The following LRCH1 variants were observed in gnomAD, a reference collection of about 807,000 sequenced individuals.
LRCH1 encodes leucine rich repeats and calponin homology domain containing 1, also known as leucine-rich repeat and calponin homology domain-containing protein 1.
A neutral mutation model predicts 94.9 loss-of-function variants in LRCH1; 23 were observed. That is an observed-to-expected ratio of 0.24 (90% CI 0.17 to 0.34). LRCH1 has a LOEUF of 0.34. Among genes scored for constraint, LRCH1 ranks in the 10% least tolerant of loss-of-function variants. The pLI, the probability that LRCH1 is intolerant of heterozygous loss-of-function variation, is 1.00. For synonymous variants in LRCH1, 364 were observed against 354.9 expected (o/e 1.03, Z -0.29); for missense variants, 790 against 945.9 (o/e 0.84, Z 2.16).
At chr13:46,575,598 T>G (rs1254919119) in intron 1 of LRCH1, among the ~76,000 whole-genome samples, 1 of 151,474 alleles carries the variant, frequency 6.6e-6, no homozygotes, top group Non-Finnish European at 1.5e-5. Context: ...CAGAAGGGGT[T>G]TTCAAAGCAT....
chr13:46,676,375 T>C (rs2051673668), intron 3 of LRCH1, among the ~76,000 whole-genome samples: 1 of 152,182 alleles, frequency 6.6e-6, no homozygotes, highest in African/African-American at 2.4e-5. Context: ...ACCAAAATCA[T>C]TTCATTATCT....
chr13:46,677,255 C>CAAAAA (rs67827727), intron 3 of LRCH1, among the ~76,000 whole-genome samples: 13 of 98,072 alleles, frequency 1.3e-4, no homozygotes, highest in African/African-American at 1.8e-4. Flanking sequence ...ACTAAAAATA[C>CAAAAA]AAAAAAAAAA....
intron 1 of LRCH1, among the ~76,000 whole-genome samples, chr13:46,574,734 G>T (rs909927706): frequency 2.7e-5 from 4 of 150,728 alleles, no homozygotes; most frequent in Non-Finnish European, 4.4e-5. Context: ...CATTTAAAAG[G>T]TTTTTTAAAA....
Position 46,553,448 on chromosome 13 carries a change from G to A in LRCH1, c.52G>A (p.Ala18Thr), listed in dbSNP as rs1647185769. The A allele has an allele frequency of 3.9e-6, 6 of 1,549,154 alleles. No homozygotes were observed. Among genetic ancestry groups the A allele is most frequent in the African/African-American group, 1.4e-5 (1 of 72,852 alleles). The change falls in exon 1 of 20, where the codon GCT becomes ACT. Residue 18 changes from alanine (A) to threonine (T), a missense_variant. Physicochemically the swap from Ala to Thr is moderately conservative, Grantham distance 58 (BLOSUM62 0). Coordinates refer to ENST00000389797, the MANE Select transcript of LRCH1 (RefSeq NM_001164211.2). The part of the protein sequence containing the change: ...PQPFVPALSV[A>T]TLHPLHHPHH... The stretch of plus-strand genomic sequence containing the variant: ...ACCTTTCGTCCCGGCCCTTTCGGTA[G>A]CTACTCTGCACCCACTTCATCATCC...
intron 19 of LRCH1, among the ~76,000 whole-genome samples, chr13:46,739,603 T>C (rs1255821125): frequency 6.6e-6 from 1 of 152,142 alleles, no homozygotes; most frequent in African/African-American, 2.4e-5. Context: ...AGGGCTGAAA[T>C]GACTGTTGGC....
chr13:46,704,312 A>AT (rs893626404), intron 11 of LRCH1, among the ~76,000 whole-genome samples: 2 of 151,890 alleles, frequency 1.3e-5, no homozygotes, highest in African/African-American at 4.8e-5. Flanking sequence ...AGATCCAGGA[A>AT]TTTTTTTCTT....
chr13:46,640,597 C>T (rs1356790261), intron 1 of LRCH1, among the ~76,000 whole-genome samples: 2 of 152,154 alleles, frequency 1.3e-5, no homozygotes. Context: ...AGCTCACTTA[C>T]TTTTAGTAAT....
intron 2 of LRCH1, 89 bp from the exon 3 acceptor site, chr13:46,668,941 C>T: frequency 7.2e-7 from 1 of 1,395,852 alleles, no homozygotes; most frequent in Non-Finnish European, 9.8e-7. Context: ...TCAGATCACT[C>T]CTTTTTCCTT....
At chr13:46,703,910 TTAAAATGGAAGGAAATATA>T (rs1332591888) in intron 11 of LRCH1, among the ~76,000 whole-genome samples, 2 of 152,056 alleles carry the variant, frequency 1.3e-5, no homozygotes, top group East Asian at 3.8e-4. Context: ...AGGAAATATA[TTAAAATGGAAGGAAATATA>T]TTAAGATAGT....
chr13:46,669,889 A>G (rs1356381807), intron 3 of LRCH1, among the ~76,000 whole-genome samples: 1 of 152,234 alleles, frequency 6.6e-6, no homozygotes, highest in African/African-American at 2.4e-5. Flanking sequence ...TTCCATCCTG[A>G]TCTTGTGTCA....
chr13:46,734,627 G>A (rs1050519654), intron 19 of LRCH1, among the ~76,000 whole-genome samples: 6 of 152,008 alleles, frequency 3.9e-5, no homozygotes, highest in African/African-American at 7.3e-5. Context: ...CTCCAACCTC[G>A]GACCCAGCCT....
intron 1 of LRCH1, among the ~76,000 whole-genome samples, chr13:46,642,791 G>C (rs1390314660): frequency 6.6e-6 from 1 of 152,200 alleles, no homozygotes; most frequent in Non-Finnish European, 1.5e-5. Flanking sequence ...AGCAGAAATA[G>C]GTTGTGTCGT....
chr13:46,743,061 G>C lies in LRCH1; in HGVS notation c.*1213G>C. ...AGGGGTGTCTTTGTATAATATGAGAGGGCCTTGTTCCAAGGTCAAGGCAGC... is the reference window on the plus strand; with the variant it reads ...AGGGGTGTCTTTGTATAATATGAGACGGCCTTGTTCCAAGGTCAAGGCAGC... On this transcript the variant is annotated 3_prime_UTR_variant, in exon 20 of 20. Transcript: ENST00000389797. 1 of 985,348 alleles carries C rather than the reference G, an allele frequency of 1.0e-6. No homozygotes were observed. The highest frequency in any genetic ancestry group is 1.2e-6 in the Non-Finnish European group (1 of 829,898). 61.0% of individuals were successfully genotyped at this position (985,348 alleles called of 1,614,324 possible). A position where few individuals can be genotyped will look rare whatever the true frequency, so the allele number is the denominator to read the frequency against.
intron 15 of LRCH1, among the ~76,000 whole-genome samples, chr13:46,714,324 G>C (rs1479771236): frequency 6.6e-6 from 1 of 152,102 alleles, no homozygotes; most frequent in Non-Finnish European, 1.5e-5. Context: ...CTTGCATTAT[G>C]TATGGAAATT....
intron 2 of LRCH1, among the ~76,000 whole-genome samples, chr13:46,656,907 T>G (rs754237321): frequency 2.2e-4 from 33 of 152,258 alleles, no homozygotes; most frequent in Non-Finnish European, 4.4e-4. Flanking sequence ...TAGTTCATAT[T>G]TGGCATAACT....
chr13:46,731,808 C>T (rs371317647), intron 18 of LRCH1, among the ~76,000 whole-genome samples: 4 of 152,168 alleles, frequency 2.6e-5, no homozygotes, highest in East Asian at 3.9e-4. Context: ...GCCATGCCCC[C>T]ACCTGCCCCC....
intron 1 of LRCH1, among the ~76,000 whole-genome samples, chr13:46,579,624 T>C (rs2050343826): frequency 6.6e-6 from 1 of 152,216 alleles, no homozygotes; most frequent in Admixed American, 6.5e-5. Context: ...AACACCTCAA[T>C]AACCACAACA....
chr13:46,704,331 A>G (rs1042261583), intron 11 of LRCH1, among the ~76,000 whole-genome samples: 8 of 151,964 alleles, frequency 5.3e-5, no homozygotes, highest in African/African-American at 1.9e-4. Flanking sequence ...TTTTTTAGTT[A>G]AGCCATTGAT....
intron 1 of LRCH1, among the ~76,000 whole-genome samples, chr13:46,581,579 A>G (rs1047764766): frequency 2.0e-5 from 3 of 152,224 alleles, no homozygotes; most frequent in African/African-American, 7.2e-5. Flanking sequence ...AAGGTCTGAC[A>G]TTCTCATCCC....
Sources: gnomAD v4.1 joint callset for allele counts (sites outside exome capture counted in the v4.1 genomes callset) on GRCh38, gnomAD v4.1.1 for gene constraint, MANE v1.5 for transcripts, NCBI Gene and HGNC (gene_info 2026-07-23, HGNC 2026-07-21) for gene names.